The following CSMD2 variants were observed in gnomAD, a reference collection of about 807,000 sequenced individuals.
CSMD2 encodes the protein CUB and sushi domain-containing protein 2.
In CSMD2, 130 loss-of-function variants were observed where a neutral mutation model predicts 398.5. The ratio of observed to expected loss-of-function variants is 0.33; its 90% CI spans 0.28 to 0.38. The LOEUF (loss-of-function observed/expected upper bound fraction) is 0.38. Among genes scored for constraint, CSMD2 ranks in the 10% least tolerant of loss-of-function variants. The pLI is 1.00. For synonymous variants in CSMD2, 1,828 were observed against 1,908.5 expected, an observed-to-expected ratio of 0.96 and a Z score of 1.10; for missense variants, 3,829 against 4,764.9, an observed-to-expected ratio of 0.80 and a Z score of 5.78.
chr1:33,857,947 G>A (rs1463274490), intron 5 of CSMD2, among the ~76,000 whole-genome samples: 1 of 152,216 alleles, frequency 6.6e-6, no homozygotes, highest in Non-Finnish European at 1.5e-5. Flanking sequence ...CACTGTGTGA[G>A]TTATCAACCC....
intron 55 of CSMD2, among the ~76,000 whole-genome samples, chr1:33,554,430 T>A (rs1657768197): frequency 6.6e-6 from 1 of 152,086 alleles, no homozygotes; most frequent in Non-Finnish European, 1.5e-5. Flanking sequence ...CCTGATCTTG[T>A]GATCCACCTG....
chr1:33,522,396 G>C (rs1361818224), intron 67 of CSMD2, among the ~76,000 whole-genome samples: 1 of 152,176 alleles, frequency 6.6e-6, no homozygotes, highest in African/African-American at 2.4e-5. Flanking sequence ...TGACCCTCCT[G>C]GATGGTGGAG....
At chr1:34,077,532 C>G (rs377587171) in intron 2 of CSMD2, among the ~76,000 whole-genome samples, 19 of 144,932 alleles carry the variant, frequency 1.3e-4, no homozygotes, top group African/African-American at 4.6e-4. Flanking sequence ...GTCAAGAGAT[C>G]GAGACCATCC....
At chr1:34,017,943 G>A (rs1648356441) in intron 3 of CSMD2, among the ~76,000 whole-genome samples, 1 of 152,136 alleles carries the variant, frequency 6.6e-6, no homozygotes, top group Non-Finnish European at 1.5e-5. Flanking sequence ...CTTCACTGAT[G>A]TTGGTTTGAG....
intron 25 of CSMD2, among the ~76,000 whole-genome samples, chr1:33,675,135 A>G (rs1644659238): frequency 6.6e-6 from 1 of 152,222 alleles, no homozygotes; most frequent in Admixed American, 6.5e-5. Context: ...AAATAGAGAC[A>G]CAAAAAACCC....
intron 56 of CSMD2, 87 bp downstream of exon 56, chr1:33,550,090 C>T: frequency 1.5e-6 from 2 of 1,351,500 alleles, no homozygotes; most frequent in Non-Finnish European, 2.1e-6. Context: ...TCCCATCCAT[C>T]AATCACACTC....
At chr1:33,534,038 G>A (rs1389786369) in intron 62 of CSMD2, 131 bp from the exon 63 acceptor site, 4 of 611,170 alleles carry the variant, frequency 6.5e-6, no homozygotes, top group Non-Finnish European at 8.8e-6. Context: ...CTGATTCTCC[G>A]CCTGGTTAAA....
At chr1:33,726,781 AG>A in intron 15 of CSMD2, 96 bp from the exon 16 acceptor site, 1 of 1,345,026 alleles carries the variant, frequency 7.4e-7, no homozygotes, top group Non-Finnish European at 9.9e-7. Flanking sequence ...CAATAAGTAT[AG>A]TTTTTGTTTT....
intron 27 of CSMD2, among the ~76,000 whole-genome samples, chr1:33,653,047 G>A (rs529951903): frequency 7.9e-5 from 12 of 152,254 alleles, no homozygotes; most frequent in African/African-American, 2.6e-4. Context: ...GTGAGCCACC[G>A]CGCCCGGCCT....
At position 33,516,734 on chromosome 1, in the gene CSMD2, G is replaced by A. The variant is rs113781876; in HGVS notation, c.*54-164C>T. Among the ~76,000 whole-genome samples, 5 of 152,306 alleles carry A rather than the reference G, an allele frequency of 3.3e-5. 1 individual carries two copies. The highest frequency in any genetic ancestry group is 1.2e-4 in the African/African-American group (5 of 41,544). On this transcript the variant is annotated intron_variant, in intron 70 of 70. Transcript: ENST00000373381. ...TCACTTTGATTTTTAATCTTCCCAG[G>A]TTGGGGATGGGGGTAGGTAGGGAAT...
intron 10 of CSMD2, 36 bp from the exon 11 acceptor site, chr1:33,792,562 G>T (rs1294849877): frequency 5.5e-6 from 8 of 1,455,026 alleles, no homozygotes; most frequent in Non-Finnish European, 7.7e-6. Context: ...GCAGGCAGGG[G>T]CTGTGAGGAA....
At chr1:33,769,751 A>G (rs910571905) in intron 13 of CSMD2, among the ~76,000 whole-genome samples, 10 of 152,210 alleles carry the variant, frequency 6.6e-5, no homozygotes, top group African/African-American at 2.4e-4. Flanking sequence ...TCTTCAGACA[A>G]CTTCTCAAAT....
chr1:33,871,610 GTC>G (rs2125145988), intron 5 of CSMD2, among the ~76,000 whole-genome samples: 1 of 152,176 alleles, frequency 6.6e-6, no homozygotes, highest in East Asian at 1.9e-4. Flanking sequence ...GCCTGCTCAG[GTC>G]TCTCTTCTTT....
At chr1:33,630,021 CT>C (rs1642370403) in intron 32 of CSMD2, among the ~76,000 whole-genome samples, 1 of 151,926 alleles carries the variant, frequency 6.6e-6, no homozygotes, top group Non-Finnish European at 1.5e-5. Context: ...TCTTATACAT[CT>C]TTCTCTCTTT....
intron 5 of CSMD2, among the ~76,000 whole-genome samples, chr1:33,878,965 T>C (rs1641042543): frequency 6.6e-6 from 1 of 152,168 alleles, no homozygotes; most frequent in African/African-American, 2.4e-5. Flanking sequence ...AAAAAGCACA[T>C]TCTTCTTACC....
intron 13 of CSMD2, among the ~76,000 whole-genome samples, chr1:33,753,381 C>A (rs979450860): frequency 2.0e-5 from 3 of 152,204 alleles, no homozygotes; most frequent in Non-Finnish European, 2.9e-5. Flanking sequence ...TCAAAGGGCT[C>A]CAGATACAGC....
In CSMD2 at chr1:34,063,570, A is replaced by C. The variant is rs921372919; in HGVS notation, c.404+25407T>G. 3.7e-4 allele frequency among the ~76,000 whole-genome samples: 56 copies of C among 152,352 alleles called. 1 individual carries two copies. The highest frequency in any genetic ancestry group is 1.3e-3 in the African/African-American group (53 of 41,590). The stretch of plus-strand genomic sequence containing the variant: ...CTCACATCCAGGTCATGCTGATGCA[A>C]GAGGTAGATTCCCATAGTCTTGGGC... On this transcript the variant is annotated intron_variant, in intron 2 of 70. Coordinates refer to ENST00000373381, the MANE Select transcript of CSMD2 (RefSeq NM_001281956.2).
intron 3 of CSMD2, among the ~76,000 whole-genome samples, chr1:33,961,426 A>C (rs770078950): frequency 2.0e-5 from 3 of 152,302 alleles, no homozygotes; most frequent in South Asian, 4.1e-4. Context: ...AAGGCAAAGG[A>C]GGCCAGTATC....
chr1:34,073,968 A>T (rs1656030264), intron 2 of CSMD2, among the ~76,000 whole-genome samples: 1 of 152,230 alleles, frequency 6.6e-6, no homozygotes, highest in African/African-American at 2.4e-5. Flanking sequence ...AGCACATCAC[A>T]TGGCAAAAGC....
Sources: allele counts gnomAD v4.1 joint callset (sites outside exome capture counted in the v4.1 genomes callset), GRCh38; gene constraint gnomAD v4.1.1; transcripts MANE v1.5; gene names NCBI Gene and HGNC (gene_info 2026-07-23, HGNC 2026-07-21).